Variants in RPA3 observed in about 807,000 individuals in gnomAD.
RPA3 encodes the protein replication protein A 14 kDa subunit.
A neutral mutation model predicts 13.7 loss-of-function variants in RPA3; 24 were observed. The ratio of observed to expected loss-of-function variants is 1.75; its 90% CI spans 1.27 to 2.46. The LOEUF (loss-of-function observed/expected upper bound fraction) is 2.46. RPA3 is among the 30% of genes most tolerant of loss of function. The pLI, the probability that RPA3 is intolerant of heterozygous loss-of-function variation, is 0.00. For synonymous variants in RPA3, 59 were observed against 51.2 expected (o/e 1.15, Z -0.65); for missense variants, 183 against 151.0 (o/e 1.21, Z -1.11).
chr7:7,657,487 G>T (rs1296146261), intron 4 of RPA3, among the ~76,000 whole-genome samples: 1 of 152,126 alleles, frequency 6.6e-6, no homozygotes, highest in Non-Finnish European at 1.5e-5. Flanking sequence ...GTTAATTTTT[G>T]TATAAGGTGT....
At chr7:7,703,403 G>C (rs1221060886) in intron 2 of RPA3, among the ~76,000 whole-genome samples, 2 of 152,008 alleles carry the variant, frequency 1.3e-5, no homozygotes, top group African/African-American at 4.8e-5. Context: ...TAACTTTTTA[G>C]TATGAAGTAC....
At chr7:7,681,708 A>G (rs1563117444) in intron 4 of RPA3, among the ~76,000 whole-genome samples, 1 of 152,240 alleles carries the variant, frequency 6.6e-6, no homozygotes, top group East Asian at 1.9e-4. Context: ...TTATACTACT[A>G]TTTAAAAATC....
chr7:7,685,006 T>G (rs1780008299), intron 4 of RPA3, among the ~76,000 whole-genome samples: 1 of 152,186 alleles, frequency 6.6e-6, no homozygotes, highest in Non-Finnish European at 1.5e-5. Context: ...ACTTCACATT[T>G]TGTCAGATTT....
intron 4 of RPA3, among the ~76,000 whole-genome samples, chr7:7,648,901 G>A (rs544526455): frequency 6.6e-6 from 1 of 152,026 alleles, no homozygotes; most frequent in Admixed American, 6.5e-5. Context: ...GCTCACACTT[G>A]TAATCCCAGC....
intron 4 of RPA3, among the ~76,000 whole-genome samples, chr7:7,680,549 A>T (rs1170069968): frequency 6.6e-6 from 1 of 152,080 alleles, no homozygotes; most frequent in East Asian, 1.9e-4. Flanking sequence ...TATAAATGTT[A>T]GGATTATTTT....
At chr7:7,661,920 C>T (rs142355097) in intron 4 of RPA3, among the ~76,000 whole-genome samples, 46 of 152,318 alleles carry the variant, frequency 3.0e-4, no homozygotes, top group African/African-American at 1.0e-3. Context: ...TGCCCCTTCC[C>T]CCGAGGTGCT....
intron 4 of RPA3, among the ~76,000 whole-genome samples, chr7:7,683,978 G>C (rs1482677060): frequency 6.6e-6 from 1 of 152,150 alleles, no homozygotes; most frequent in Non-Finnish European, 1.5e-5. Flanking sequence ...GTGGGAAATT[G>C]GTTCCAAGAC....
chr7:7,708,094 C>T (rs1172531675), intron 2 of RPA3, among the ~76,000 whole-genome samples: 1 of 152,176 alleles, frequency 6.6e-6, no homozygotes, highest in Non-Finnish European at 1.5e-5. Context: ...TTCTCTTAGC[C>T]TCCTTCATTA....
At chr7:7,675,898 G>T (rs1779727377) in intron 4 of RPA3, among the ~76,000 whole-genome samples, 1 of 152,148 alleles carries the variant, frequency 6.6e-6, no homozygotes, top group Admixed American at 6.5e-5. Context: ...GTCTGCTGAT[G>T]CTTGTCTCTG....
chr7:7,682,145 C>T (rs932870056), intron 4 of RPA3, among the ~76,000 whole-genome samples: 1 of 152,114 alleles, frequency 6.6e-6, no homozygotes, highest in Non-Finnish European at 1.5e-5. Flanking sequence ...TCAGAATATG[C>T]AGGTGCTTCT....
chr7:7,654,264 A>T (rs1481829744), intron 4 of RPA3, among the ~76,000 whole-genome samples: 4 of 152,212 alleles, frequency 2.6e-5, no homozygotes, highest in African/African-American at 9.7e-5. Flanking sequence ...GGAGAGTAAA[A>T]TTGTTTGACG....
chr7:7,702,006 G>A (rs964902960), intron 2 of RPA3, among the ~76,000 whole-genome samples: 1 of 152,140 alleles, frequency 6.6e-6, no homozygotes, highest in Non-Finnish European at 1.5e-5. Flanking sequence ...TTTGTAAAAA[G>A]TAGAACTGAA....
rs921623292 is a variant in RPA3, at chr7:7,640,775, T to G, written c.-357A>C. On this transcript the variant is annotated 5_prime_UTR_variant, in exon 5 of 8. Coordinates refer to ENST00000223129, the MANE Select transcript of RPA3 (RefSeq NM_002947.5). ...GTGACTTGACCCCGGAAGTGGGGTG[T>G]GAAGCTCCGGTGCTGGTGCGGCGGG... 1 of 233,304 alleles carries G rather than the reference T, an allele frequency of 4.3e-6. No individual in the cohort carries two copies. Among genetic ancestry groups the G allele is most frequent in the Non-Finnish European group, 8.6e-6 (1 of 116,184 alleles). 14.5% of individuals were successfully genotyped at this position (233,304 alleles called of 1,614,324 possible).
chr7:7,663,507 C>T lies in RPA3; in HGVS notation c.-758+22323G>A, dbSNP rs532107428. Among the ~76,000 whole-genome samples the T allele has an allele frequency of 3.9e-5, 6 of 152,058 alleles. No homozygotes were observed. The South Asian group carries it at 6.2e-4, about 16-fold the overall frequency. The stretch of plus-strand genomic sequence containing the variant: ...TACAAAATAAAAAACCTAGGTGGGA[C>T]GGAAAAACAGGGGGAGAGTCTTTAT... On this transcript the variant is annotated intron_variant, in intron 4 of 7. Coordinates refer to ENST00000223129, the MANE Select transcript of RPA3 (RefSeq NM_002947.5).
rs974937339 is a variant in RPA3 at position 7,708,828 on chromosome 7, A to C, written c.-1028+6347T>G. ...ATATGTGGTTTAAAGGGAAGTTATA[A>C]CAAGACACCAAATGCATATGTATAT... On this transcript the variant is annotated intron_variant, in intron 2 of 7. Transcript: ENST00000223129. Among the ~76,000 whole-genome samples the C allele has an allele frequency of 3.9e-5, 6 of 152,260 alleles. No homozygotes were observed. The East Asian group carries it at 1.2e-3, about 29-fold the overall frequency.
intron 4 of RPA3, among the ~76,000 whole-genome samples, chr7:7,652,610 G>C (rs1785248828): frequency 6.6e-6 from 1 of 152,258 alleles, no homozygotes; most frequent in African/African-American, 2.4e-5. Context: ...GTAGGATAAA[G>C]AGGCAGGAAG....
intron 4 of RPA3, among the ~76,000 whole-genome samples, chr7:7,649,738 GTC>G (rs56886425): frequency 2.8e-4 from 5 of 17,962 alleles, no homozygotes; most frequent in East Asian, 0.011. Flanking sequence ...CCGAATGTTT[GTC>G]TCTCTCCCCC....
At position 7,640,914 on chromosome 7, in the gene RPA3, C is replaced by G. The variant is rs1784954797; in HGVS notation, c.-496G>C. 1 of 167,962 alleles carries G rather than the reference C, an allele frequency of 6.0e-6. No individual in the cohort carries two copies. The highest frequency in any genetic ancestry group is 2.4e-5 in the African/African-American group (1 of 41,614). The allele number at this position is 167,962 out of a possible 1,614,324, so 10.4% of individuals were successfully genotyped here. A position where few individuals can be genotyped will look rare whatever the true frequency, so the allele number is the denominator to read the frequency against. Reference sequence around the variant, plus strand: ...AGAGCTAGGCGGGAGTCGGCACTAGCTGCTGCCGCGGTGCTGTGGGTGCTG... The same window carrying G: ...AGAGCTAGGCGGGAGTCGGCACTAGGTGCTGCCGCGGTGCTGTGGGTGCTG... On this transcript the variant is annotated 5_prime_UTR_variant, in exon 5 of 8. Coordinates refer to ENST00000223129, the MANE Select transcript of RPA3 (RefSeq NM_002947.5).
At chr7:7,678,794 G>T (rs1457979296) in intron 4 of RPA3, among the ~76,000 whole-genome samples, 20 of 41,584 alleles carry the variant, frequency 4.8e-4, no homozygotes, top group Admixed American at 6.9e-4. Context: ...TATATATTTA[G>T]TTTATAAATA....
Sources: gnomAD v4.1 joint callset for allele counts (sites outside exome capture counted in the v4.1 genomes callset) on GRCh38, gnomAD v4.1.1 for gene constraint, MANE v1.5 for transcripts, NCBI Gene and HGNC (gene_info 2026-07-23, HGNC 2026-07-21) for gene names.